The following PTPRT variants were observed in gnomAD, a reference collection of about 807,000 sequenced individuals.
The protein encoded by PTPRT is receptor-type tyrosine-protein phosphatase T.
A neutral mutation model predicts 176.8 loss-of-function variants in PTPRT; 56 were observed. The observed-to-expected ratio is 0.32, with a 90% CI of 0.26 to 0.40. PTPRT has a LOEUF of 0.40. Among genes scored for constraint, PTPRT ranks in the 10% least tolerant of loss-of-function variants. PTPRT has a pLI of 1.00. For synonymous variants in PTPRT, 783 were observed against 739.0 expected (o/e 1.06, Z -0.96); for missense variants, 1,540 against 1,908.2 (o/e 0.81, Z 3.60).
At chr20:42,757,051 TTAAAAAAAA>T (rs1355601448) in intron 5 of PTPRT, among the ~76,000 whole-genome samples, 3 of 125,916 alleles carry the variant, frequency 2.4e-5, no homozygotes, top group Non-Finnish European at 1.6e-5. Flanking sequence ...CCCTGCCTCT[TTAAAAAAAA>T]AAAAAAAAAA....
At chr20:42,713,863 C>T (rs2076183362) in intron 6 of PTPRT, among the ~76,000 whole-genome samples, 1 of 152,184 alleles carries the variant, frequency 6.6e-6, no homozygotes, top group African/African-American at 2.4e-5. Context: ...TGTGACATGC[C>T]TGCTTCCCCT....
At chr20:42,171,815 T>A (rs185704012) in intron 16 of PTPRT, among the ~76,000 whole-genome samples, 152 of 152,228 alleles carry the variant, frequency 1.0e-3, no homozygotes, top group African/African-American at 3.5e-3. Context: ...AACTACACTG[T>A]CCTGACAAGC....
intron 1 of PTPRT, among the ~76,000 whole-genome samples, chr20:43,030,477 C>T (rs1986095661): frequency 1.3e-5 from 2 of 149,724 alleles, no homozygotes; most frequent in African/African-American, 2.5e-5. Context: ...ATTCCAGTAG[C>T]CCAAAAGGGG....
At position 42,217,652 on chromosome 20, in the gene PTPRT, G is replaced by T. The variant is rs138594673; in HGVS notation, c.2343-18264C>A. Among the ~76,000 whole-genome samples, 423 of 152,250 alleles carry T rather than the reference G, an allele frequency of 2.8e-3. 3 individuals are homozygous for T. The highest frequency in any genetic ancestry group is 4.3e-3 in the Non-Finnish European group (290 of 68,020). On this transcript the variant is annotated intron_variant, in intron 15 of 30. Coordinates refer to ENST00000373187, the MANE Select transcript of PTPRT (RefSeq NM_007050.6). ...TTTGGGCCAGATAATTATTTGCTAC[G>T]TATGTGTTGGGGAGTTACCTAGTGC...
chr20:42,789,330 G>A (rs1249563527), intron 3 of PTPRT, among the ~76,000 whole-genome samples: 1 of 152,080 alleles, frequency 6.6e-6, no homozygotes, highest in African/African-American at 2.4e-5. Context: ...TTTTAATGTG[G>A]CTACTAAACG....
At position 42,362,843 on chromosome 20, in the gene PTPRT, C is replaced by T. The variant is rs531301520; in HGVS notation, c.1561-10558G>A. 1.7e-3 allele frequency among the ~76,000 whole-genome samples: 262 copies of T among 152,064 alleles called. 2 individuals carry two copies. Among genetic ancestry groups the T allele is most frequent in the Non-Finnish European group, 4.3e-4 (29 of 67,996 alleles). On this transcript the variant is annotated intron_variant, in intron 9 of 30. Coordinates refer to ENST00000373187, the MANE Select transcript of PTPRT (RefSeq NM_007050.6). The stretch of plus-strand genomic sequence containing the variant: ...ATATTGAGCCAGGCGCGGTGGCTCA[C>T]GCCTGTAATCCTAGCACTTTGGGAG...
At chr20:42,195,791 G>A (rs1202923898) in intron 16 of PTPRT, among the ~76,000 whole-genome samples, 7 of 151,902 alleles carry the variant, frequency 4.6e-5, no homozygotes, top group African/African-American at 9.7e-5. Flanking sequence ...GTATATTTAC[G>A]TGTCTGTGTA....
chr20:42,274,316 C>T (rs1364140301), intron 13 of PTPRT, among the ~76,000 whole-genome samples: 2 of 152,178 alleles, frequency 1.3e-5, no homozygotes, highest in Non-Finnish European at 2.9e-5. Flanking sequence ...TCTGAGACCA[C>T]ATATATTCTA....
At chr20:42,504,957 T>C (rs2071818368) in intron 7 of PTPRT, among the ~76,000 whole-genome samples, 1 of 152,138 alleles carries the variant, frequency 6.6e-6, no homozygotes. Context: ...TGCATGCAAA[T>C]AGCCTCCATT....
At chr20:42,886,454 A>T (rs6030544) in intron 1 of PTPRT, among the ~76,000 whole-genome samples, 5,488 of 152,304 alleles carry the variant, frequency 0.036, 239 homozygotes, top group African/African-American at 0.1. Flanking sequence ...ACCATGAGGA[A>T]TAAATGGAAT....
intron 15 of PTPRT, among the ~76,000 whole-genome samples, chr20:42,217,120 T>A (rs1363558744): frequency 6.6e-6 from 1 of 152,060 alleles, no homozygotes; most frequent in East Asian, 1.9e-4. Flanking sequence ...ATGCCTGTAA[T>A]CCCAGCATTT....
At chr20:43,184,684 G>A (rs188030959) in intron 1 of PTPRT, among the ~76,000 whole-genome samples, 74 of 151,276 alleles carry the variant, frequency 4.9e-4, no homozygotes, top group African/African-American at 1.7e-3. Flanking sequence ...GTGAGACTCT[G>A]TCTAAAAAAA....
chr20:42,738,166 T>C (rs2076564660), intron 6 of PTPRT, among the ~76,000 whole-genome samples: 1 of 152,174 alleles, frequency 6.6e-6, no homozygotes, highest in South Asian at 2.1e-4. Context: ...CGTAAAATTA[T>C]AAACAAGCAG....
At chr20:42,729,425 T>G in intron 6 of PTPRT, among the ~76,000 whole-genome samples, 1 of 152,232 alleles carries the variant, frequency 6.6e-6, no homozygotes, top group East Asian at 1.9e-4. Flanking sequence ...TCTTTTCCAC[T>G]TGCCCGTGGA....
At chr20:43,175,356 G>A (rs1433423856) in intron 1 of PTPRT, among the ~76,000 whole-genome samples, 2 of 152,208 alleles carry the variant, frequency 1.3e-5, no homozygotes, top group East Asian at 1.9e-4. Flanking sequence ...TTACAAACTC[G>A]GAAATAAGGC....
chr20:42,932,322 G>T (rs1979909046), intron 1 of PTPRT, among the ~76,000 whole-genome samples: 1 of 152,240 alleles, frequency 6.6e-6, no homozygotes, highest in African/African-American at 2.4e-5. Flanking sequence ...CATGTGCCTG[G>T]TCTAGACCAA....
intron 4 of PTPRT, among the ~76,000 whole-genome samples, chr20:42,772,764 C>T (rs1005903432): frequency 3.9e-5 from 6 of 152,154 alleles, no homozygotes; most frequent in African/African-American, 1.4e-4. Flanking sequence ...CATCTTTCTA[C>T]AAGGAGTCAA....
intron 1 of PTPRT, among the ~76,000 whole-genome samples, chr20:42,939,533 T>C (rs1300449013): frequency 6.6e-6 from 1 of 152,324 alleles, no homozygotes; most frequent in East Asian, 1.9e-4. Flanking sequence ...TGGCTCATAG[T>C]TGGTGTTGAG....
At chr20:42,192,286 T>C (rs1340891100) in intron 16 of PTPRT, among the ~76,000 whole-genome samples, 3 of 152,166 alleles carry the variant, frequency 2.0e-5, no homozygotes, top group African/African-American at 7.2e-5. Flanking sequence ...AAGGAATCTT[T>C]ACAAAGAGTT....
Sources: gnomAD v4.1 joint callset for allele counts (sites outside exome capture counted in the v4.1 genomes callset) on GRCh38, gnomAD v4.1.1 for gene constraint, MANE v1.5 for transcripts, NCBI Gene and HGNC (gene_info 2026-07-23, HGNC 2026-07-21) for gene names.